Variants in CEP192 observed in about 807,000 individuals in gnomAD.
CEP192 encodes the protein centrosomal protein of 192 kDa.
In CEP192, 151 loss-of-function variants were observed where a neutral mutation model predicts 271.8. The observed-to-expected ratio is 0.56, with a 90% confidence interval of 0.49 to 0.64. The LOEUF (loss-of-function observed/expected upper bound fraction) is 0.64, where lower values mean the gene tolerates loss of function less well. Among genes scored for constraint, CEP192 ranks in the 30% least tolerant of loss-of-function variants. CEP192 has a pLI of 0.00. For synonymous variants in CEP192, 995 were observed against 1,076.5 expected (o/e 0.92, Z 1.48); for missense variants, 2,910 against 3,020.5 (o/e 0.96, Z 0.86).
At chr18:13,069,307 G>C (rs1254588333) in intron 26 of CEP192, 126 bp downstream of exon 26, 4 of 754,402 alleles carry the variant, frequency 5.3e-6, no homozygotes, top group African/African-American at 1.7e-5. Context: ...TGAAAGAATC[G>C]CTGAGAGTTT....
intron 11 of CEP192, 127 bp downstream of exon 11, chr18:13,030,735 C>A: frequency 1.4e-6 from 1 of 715,834 alleles, no homozygotes; most frequent in Non-Finnish European, 2.3e-6. Flanking sequence ...GGAAGCACTT[C>A]ACTTGTTTTT....
In CEP192 at chr18:13,015,530, C is replaced by T. The variant is rs565124238; in HGVS notation, c.640+82C>T. 6.7e-5 allele frequency: 97 copies of T among 1,442,934 alleles called. 1 individual carries two copies. The South Asian group carries it at 1.2e-3, about 17-fold the overall frequency. The allele number at this position is 1,442,934 out of a possible 1,614,324, so 89.4% of individuals were successfully genotyped here. On this transcript the variant is annotated intron_variant, in intron 6 of 44. Coordinates refer to ENST00000506447, the MANE Select transcript of CEP192 (RefSeq NM_032142.4). ...TTCTTTGTTGCAGTAGTTATGATGCCAACTTTTTGGGTTTTTTGTCCTTAC... is the reference window on the plus strand; with the variant it reads ...TTCTTTGTTGCAGTAGTTATGATGCTAACTTTTTGGGTTTTTTGTCCTTAC...
rs544278540 is a variant in CEP192, at chr18:13,114,047, A to ATG, written c.7168-82_7168-81dup. ...TGCCTTTTAAAAATTTTTAAAGGAA[A>ATG]TGATAGAATTCAAATAAGTAAATGT... On this transcript the variant is annotated intron_variant, in intron 41 of 44. Coordinates refer to ENST00000506447, the MANE Select transcript of CEP192 (RefSeq NM_032142.4). The ATG allele has an allele frequency of 1.2e-3, 1,788 of 1,467,896 alleles. 47 individuals carry two copies. The Admixed American group carries it at 0.037, about 30-fold the overall frequency. 90.9% of individuals were successfully genotyped at this position (1,467,896 alleles called of 1,614,324 possible).
intron 17 of CEP192, 124 bp downstream of exon 17, chr18:13,050,015 G>T: frequency 5.5e-6 from 4 of 730,254 alleles, no homozygotes; most frequent in East Asian, 3.0e-5. Context: ...CTTGTAAGCT[G>T]TGAATTTCTT....
At chr18:13,028,025 A>G (rs1401079857) in intron 9 of CEP192, among the ~76,000 whole-genome samples, 1 of 152,200 alleles carries the variant, frequency 6.6e-6, no homozygotes, top group African/African-American at 2.4e-5. Flanking sequence ...TATGGAGGCC[A>G]AAAGTCTGAA....
At chr18:13,066,765 C>T (rs555190629) in intron 21 of CEP192, among the ~76,000 whole-genome samples, 3 of 152,208 alleles carry the variant, frequency 2.0e-5, no homozygotes, top group East Asian at 1.9e-4. Context: ...AAATTCCATT[C>T]GAGCCTCACC....
In CEP192 at chr18:13,029,860, G is replaced by A. The variant is rs1344499916; in HGVS notation, c.1248G>A (p.Thr416=). ...MDGCLDTETP[T]VSIQENVDVA... is the part of the protein sequence containing the mutation. The stretch of plus-strand genomic sequence containing the variant: ...GATGTTTAGACACTGAGACTCCTAC[G>A]GTGTCCATTCAAGAAAATGTGGATG... Residue 416 remains threonine (T), a synonymous_variant, in exon 10 of 45, where the codon ACG becomes ACA. Transcript: ENST00000506447. 2.6e-6 allele frequency: 4 copies of A among 1,551,572 alleles called. No individual in the cohort carries two copies. The highest frequency in any genetic ancestry group is 2.7e-5 in the African/African-American group (2 of 73,148).
chr18:13,002,857 T>C (rs570812098), intron 3 of CEP192, among the ~76,000 whole-genome samples: 2 of 152,322 alleles, frequency 1.3e-5, no homozygotes, highest in East Asian at 3.9e-4. Flanking sequence ...CTTATATTTA[T>C]GTTGTGAATT....
Position 12,999,562 on chromosome 18 carries a change from T to A in CEP192, c.138T>A (p.Ala46=). 2 of 1,550,356 alleles carry A rather than the reference T, an allele frequency of 1.3e-6. No individual in the cohort carries two copies. Among genetic ancestry groups the A allele is most frequent in the Non-Finnish European group, 1.7e-6 (2 of 1,146,664 alleles). The change falls in exon 2 of 45, where the codon GCT becomes GCA. Residue 46 remains alanine (A), a synonymous_variant. Coordinates refer to ENST00000506447, the MANE Select transcript of CEP192 (RefSeq NM_032142.4). ...TGCCTGTTGCTGTTTCTACACTTGC[T>A]AGGGATAGATCCAGCACTGATAACA... is the stretch of plus-strand genomic sequence containing the variant. The part of the protein sequence containing the change: ...LGLPVAVSTL[A]RDRSSTDNRY...
chr18:13,058,888 A>G (rs1320969952), intron 20 of CEP192, 194 bp from the exon 21 acceptor site: 6 of 580,524 alleles, frequency 1.0e-5, no homozygotes, highest in South Asian at 2.1e-5. Flanking sequence ...CAGCAAGAAC[A>G]TTCAACTCAG....
At chr18:13,088,668 G>A (rs1008960604) in intron 32 of CEP192, 8 of 210,154 alleles carry the variant, frequency 3.8e-5, no homozygotes, top group African/African-American at 1.1e-4. Flanking sequence ...GGAGGAATAC[G>A]CCTGTTTCCT....
intron 30 of CEP192, among the ~76,000 whole-genome samples, chr18:13,074,410 T>G (rs1374533763): frequency 3.3e-5 from 5 of 152,162 alleles, no homozygotes; most frequent in African/African-American, 4.8e-5. Context: ...TGATTTTGTG[T>G]GAGGATAATG....
At chr18:13,124,543 T>C in intron 44 of CEP192, 89 bp from the exon 45 acceptor site, 2 of 1,320,710 alleles carry the variant, frequency 1.5e-6, no homozygotes, top group South Asian at 4.0e-5. Context: ...AGCTCTTTCC[T>C]CAACACCTGA....
intron 18 of CEP192, 75 bp downstream of exon 18, chr18:13,053,165 T>TACA (rs1283831683): frequency 3.0e-5 from 38 of 1,257,214 alleles, no homozygotes; most frequent in Non-Finnish European, 2.9e-5. Context: ...TGATTCAGAC[T>TACA]ACAGTTCAAG....
chr18:13,064,800 G>A (rs1027559491), intron 21 of CEP192, among the ~76,000 whole-genome samples: 6 of 151,994 alleles, frequency 3.9e-5, no homozygotes, highest in Non-Finnish European at 5.9e-5. Flanking sequence ...GCTTGGGATA[G>A]CTTGTCTATT....
chr18:13,097,223 C>A (rs1459659014), intron 36 of CEP192, among the ~76,000 whole-genome samples: 1 of 152,018 alleles, frequency 6.6e-6, no homozygotes, highest in Non-Finnish European at 1.5e-5. Context: ...TTTCTGTAGC[C>A]CCATGGGTTT....
intron 4 of CEP192, among the ~76,000 whole-genome samples, chr18:13,009,884 T>TG (rs1284130734): frequency 6.6e-6 from 1 of 151,694 alleles, no homozygotes; most frequent in Non-Finnish European, 1.5e-5. Context: ...TACAAAAATA[T>TG]GGGGGGTCAG....
chr18:13,061,414 C>A (rs2037401719), intron 21 of CEP192, among the ~76,000 whole-genome samples: 1 of 152,270 alleles, frequency 6.6e-6, no homozygotes, highest in South Asian at 2.1e-4. Flanking sequence ...AGACACAGGG[C>A]AGCCACTCTG....
At chr18:13,068,287 T>C in intron 23 of CEP192, 50 bp downstream of exon 23, 2 of 1,603,952 alleles carry the variant, frequency 1.2e-6, no homozygotes, top group Non-Finnish European at 1.7e-6. Context: ...CTTCTAAACC[T>C]CTTTTCTTTC....
Sources: gnomAD v4.1 joint callset for allele counts (sites outside exome capture counted in the v4.1 genomes callset) on GRCh38, gnomAD v4.1.1 for gene constraint, MANE v1.5 for transcripts, NCBI Gene and HGNC (gene_info 2026-07-23, HGNC 2026-07-21) for gene names.